The following RARA variants were observed in gnomAD, a reference collection of about 807,000 sequenced individuals.
The protein encoded by RARA is retinoic acid receptor alpha.
RARA carries 5 observed loss-of-function variants against 42.8 expected under a neutral mutation model. The ratio of observed to expected loss-of-function variants is 0.12; its 90% confidence interval spans 0.06 to 0.25. RARA has a LOEUF of 0.25. Ranked by LOEUF, RARA falls within the 10% of genes least tolerant of loss-of-function variation. The probability of loss-of-function intolerance (pLI) is 1.00; values close to 1 mark genes in which losing one functional copy is unlikely to be tolerated. For synonymous variants in RARA, 256 were observed against 259.5 expected (o/e 0.99, Z 0.13); for missense variants, 402 against 628.7 (o/e 0.64, Z 3.86).
intron 2 of RARA, among the ~76,000 whole-genome samples, chr17:40,339,378 G>A (rs1007452038): frequency 9.2e-5 from 14 of 152,216 alleles, no homozygotes; most frequent in Non-Finnish European, 4.4e-5. Context: ...GCTGAGGGAG[G>A]GATAAGGCTG....
chr17:40,317,662 A>T (rs1050867439), intron 1 of RARA, among the ~76,000 whole-genome samples: 1 of 151,592 alleles, frequency 6.6e-6, no homozygotes, highest in African/African-American at 2.4e-5. Context: ...TTGGGGAAAG[A>T]AGAGATATAC....
rs146977371 is a variant in RARA at position 40,356,016 on chromosome 17, G to A, written c.1179G>A (p.Glu393=). The change falls in exon 9 of 9, where the codon GAG becomes GAA. Residue 393 remains glutamate, a synonymous_variant. Coordinates refer to ENST00000254066, the MANE Select transcript of RARA (RefSeq NM_000964.4). ...CCCCCTCCTTTCCTGCAGGGGCTGA[G>A]CGGGTGATCACGCTGAAGATGGAGA... is the stretch of plus-strand genomic sequence containing the variant. ...DLRSISAKGA[E]RVITLKMEIP... The A allele has an allele frequency of 5.6e-4, 895 of 1,600,450 alleles. No individual in the cohort carries two copies. Among genetic ancestry groups the A allele is most frequent in the Non-Finnish European group, 7.0e-4 (822 of 1,174,738 alleles).
chr17:40,355,974 C>G lies in RARA; in HGVS notation c.1172-35C>G. The G allele has an allele frequency of 6.4e-7, 1 of 1,552,282 alleles. No homozygotes were observed. The highest frequency in any genetic ancestry group is 1.4e-5 in the African/African-American group (1 of 73,622). On this transcript the variant is annotated intron_variant, in intron 8 of 8. Transcript: ENST00000254066. This position sits in a 1 kb window ranked among gnomAD's most constrained non-coding sequence, Gnocchi z 4.1. ...GGGGCTGGGGGTGGGAGGGCTGGCC[C>G]AGCGTGCTGACCTCTGCCCCCTCCT...
chr17:40,333,650 T>C (rs2033764477), intron 2 of RARA, among the ~76,000 whole-genome samples: 1 of 146,778 alleles, frequency 6.8e-6, no homozygotes, highest in Admixed American at 6.8e-5. Flanking sequence ...TTCTTTTTTT[T>C]TTTTCTCATA....
rs1261818723 is a variant in RARA, at chr17:40,341,577, C to G, written c.179-6739C>G. On this transcript the variant is annotated intron_variant, in intron 2 of 8. Transcript: ENST00000254066. Reference sequence around the variant, plus strand: ...GGGCAGGGGGCTGGCGGGCGAGCCCCGCGGGCGGGCTGGCGAGCGGGTGAT... The same window carrying G: ...GGGCAGGGGGCTGGCGGGCGAGCCCGGCGGGCGGGCTGGCGAGCGGGTGAT... The G allele has an allele frequency of 4.8e-5, 65 of 1,364,262 alleles. No individual in the cohort carries two copies. The East Asian group carries it at 2.0e-3, about 41-fold the overall frequency. The allele number at this position is 1,364,262 out of a possible 1,614,324, so 84.5% of individuals were successfully genotyped here.
chr17:40,322,831 G>C (rs2033429225), intron 1 of RARA, among the ~76,000 whole-genome samples: 1 of 152,022 alleles, frequency 6.6e-6, no homozygotes, highest in Admixed American at 6.5e-5. Flanking sequence ...CCTTCCTAGT[G>C]GTCCCCCTTC....
At chr17:40,343,499 G>T (rs1193977676) in intron 2 of RARA, among the ~76,000 whole-genome samples, 1 of 152,192 alleles carries the variant, frequency 6.6e-6, no homozygotes, top group Non-Finnish European at 1.5e-5. Context: ...TGGGGTTGTT[G>T]TCCTGGCCCC....
chr17:40,315,130 G>GTGTA (rs1179137893), intron 1 of RARA, among the ~76,000 whole-genome samples: 3 of 53,990 alleles, frequency 5.6e-5, no homozygotes, highest in Non-Finnish European at 1.1e-4. Context: ...ATGCTTATAT[G>GTGTA]TGTATATATA....
Position 40,325,691 on chromosome 17 carries a change from T to G in RARA, c.-362-5166T>G, listed in dbSNP as rs539383589. 1.1e-4 allele frequency among the ~76,000 whole-genome samples: 17 copies of G among 152,320 alleles called. No individual in the cohort carries two copies. The South Asian group carries it at 3.5e-3, about 32-fold the overall frequency. ...CCAAGTTGAGCTTGAGCTCTGGGTG[T>G]CATTTGCATATGATTCACTAACTGT... On this transcript the variant is annotated intron_variant, in intron 1 of 8. Transcript: ENST00000254066.
chr17:40,351,608 G>A lies in RARA; in HGVS notation c.470-302G>A, dbSNP rs2034454640. 2.0e-6 allele frequency: 1 copy of A among 495,160 alleles called. No homozygotes were observed. Among genetic ancestry groups the A allele is most frequent in the East Asian group, 4.2e-5 (1 of 23,544 alleles). The allele number at this position is 495,160 out of a possible 1,614,324, so 30.7% of individuals were successfully genotyped here. A position where few individuals can be genotyped will look rare whatever the true frequency, so the allele number is the denominator to read the frequency against. ...CTAGGAGGGCACCGTCGCCTGGAGT[G>A]TGAGCTGGAGTAGACGCGTGGGGGA... On this transcript the variant is annotated intron_variant, in intron 4 of 8. Coordinates refer to ENST00000254066, the MANE Select transcript of RARA (RefSeq NM_000964.4). The surrounding 1 kb of genome is among the most constrained non-coding windows in gnomAD (Gnocchi z 4.1).
Position 40,356,176 on chromosome 17 carries a change from A to G in RARA, c.1339A>G (p.Ser447Gly). Residue 447 changes from serine to glycine, a missense_variant, in exon 9 of 9, where the codon AGC (serine) becomes GGC (glycine). By Grantham distance (56) the Ser-to-Gly change is moderately conservative. Around this residue, in one of 5 missense-constraint regions of RARA, gnomAD observed 73 missense variants for 59.8 expected, o/e 1.22. Coordinates refer to ENST00000254066, the MANE Select transcript of RARA (RefSeq NM_000964.4). ...LAPPPGSCSP[S>G]LSPSSNRSSP... ...CCCCCCGCCAGGCAGCTGTAGCCCC[A>G]GCCTCAGCCCCAGCTCCAACAGAAG... 1 of 1,550,964 alleles carries G rather than the reference A, an allele frequency of 6.4e-7. No individual in the cohort carries two copies. The highest frequency in any genetic ancestry group is 8.7e-7 in the Non-Finnish European group (1 of 1,147,410).
Position 40,354,810 on chromosome 17 carries a change from G to T in RARA, c.1012+304G>T, listed in dbSNP as rs925332169. ...TCTGGGCCTCCGTTTCTGTACAGTG[G>T]GGGCGGTAACGGTCTCTAGCTCATG... On this transcript the variant is annotated intron_variant, in intron 7 of 8. Coordinates refer to ENST00000254066, the MANE Select transcript of RARA (RefSeq NM_000964.4). This position sits in a 1 kb window ranked among gnomAD's most constrained non-coding sequence, Gnocchi z 4.5. Among the ~76,000 whole-genome samples the T allele has an allele frequency of 6.6e-6, 1 of 152,212 alleles. No individual in the cohort carries two copies. Among genetic ancestry groups the T allele is most frequent in the African/African-American group, 2.4e-5 (1 of 41,442 alleles).
chr17:40,342,587 C>T (rs2143395018), intron 2 of RARA: 1 of 1,404,136 alleles, frequency 7.1e-7, no homozygotes, highest in East Asian at 2.7e-5. Flanking sequence ...GGTCACCAGT[C>T]GGGGCGAGGG....
At chr17:40,332,688 G>A (rs1174055855) in intron 2 of RARA, among the ~76,000 whole-genome samples, 1 of 152,256 alleles carries the variant, frequency 6.6e-6, no homozygotes, top group African/African-American at 2.4e-5. Context: ...CTCTATGTCT[G>A]TGTTTCTTTG....
intron 2 of RARA, chr17:40,343,039 C>G (rs771270467): frequency 7.5e-7 from 1 of 1,331,154 alleles, no homozygotes; most frequent in South Asian, 1.7e-5. Context: ...GCACCCTCCC[C>G]CCAGTAACCC....
At chr17:40,336,444 T>G (rs916147860) in intron 2 of RARA, among the ~76,000 whole-genome samples, 25 of 152,152 alleles carry the variant, frequency 1.6e-4, no homozygotes, top group Non-Finnish European at 2.5e-4. Context: ...CAGGCTGGAG[T>G]GCAGTGGCAC....
Position 40,355,512 on chromosome 17 carries a change from A to G in RARA, c.1171+91A>G. The G allele has an allele frequency of 6.9e-7, 1 of 1,459,346 alleles. No individual in the cohort carries two copies. The highest frequency in any genetic ancestry group is 1.3e-5 in the South Asian group (1 of 74,194). 90.4% of individuals were successfully genotyped at this position (1,459,346 alleles called of 1,614,324 possible). ...CAGCACCCCATGTCTTTGTGCCAGGACAATACGACACCTGTCCCCATCTGT... is the reference window on the plus strand; with the variant it reads ...CAGCACCCCATGTCTTTGTGCCAGGGCAATACGACACCTGTCCCCATCTGT... On this transcript the variant is annotated intron_variant, in intron 8 of 8. Coordinates refer to ENST00000254066, the MANE Select transcript of RARA (RefSeq NM_000964.4). The surrounding 1 kb of genome is among the most constrained non-coding windows in gnomAD (Gnocchi z 4.1).
At chr17:40,312,028 TTTGGG>T (rs773348966) in intron 1 of RARA, among the ~76,000 whole-genome samples, 12 of 152,218 alleles carry the variant, frequency 7.9e-5, no homozygotes, top group Admixed American at 1.3e-4. Context: ...AATCCCTGGT[TTTGGG>T]GAGCAAGGGA....
chr17:40,330,457 C>T (rs1003378756), intron 1 of RARA, among the ~76,000 whole-genome samples: 7 of 152,122 alleles, frequency 4.6e-5, no homozygotes, highest in Non-Finnish European at 1.0e-4. Flanking sequence ...TTTAGGGAAG[C>T]GGCTTTTCCT....
Sources: allele counts gnomAD v4.1 joint callset (sites outside exome capture counted in the v4.1 genomes callset), GRCh38; gene constraint gnomAD v4.1.1; regional missense constraint gnomAD v4.1.1; non-coding constraint Gnocchi (gnomAD v3.1); transcripts MANE v1.5; gene names NCBI Gene and HGNC (gene_info 2026-07-23, HGNC 2026-07-21).